SP100: variants seen among roughly 807,000 people sequenced by gnomAD.
The protein encoded by SP100 is SP100 nuclear body protein, also known as nuclear autoantigen Sp-100.
In SP100, 84 loss-of-function variants were observed where a neutral mutation model predicts 130.0. The observed-to-expected ratio is 0.65, with a 90% confidence interval of 0.54 to 0.77. The LOEUF is 0.77. SP100 is among the 30% of genes least tolerant of loss of function. The pLI, the probability that SP100 is intolerant of heterozygous loss-of-function variation, is 0.00. For synonymous variants in SP100, 331 were observed against 351.7 expected (o/e 0.94, Z 0.66); for missense variants, 978 against 1,052.2 (o/e 0.93, Z 0.97).
intron 17 of SP100, among the ~76,000 whole-genome samples, chr2:230,479,994 G>A (rs1463954701): frequency 6.6e-6 from 1 of 152,190 alleles, no homozygotes; most frequent in Non-Finnish European, 1.5e-5. Context: ...TGACTTATGA[G>A]AAGTTCTTCC....
At position 230,522,476 on chromosome 2, in the gene SP100, C is replaced by CTTTTTTTTTTTT. The variant is rs750389091; in HGVS notation, c.2094+11321_2094+11332dup. Among the ~76,000 whole-genome samples, 18 of 82,126 alleles carry CTTTTTTTTTTTT rather than the reference C, an allele frequency of 2.2e-4. 3 individuals carry two copies. The highest frequency in any genetic ancestry group is 7.4e-4 in the East Asian group (2 of 2,686). The allele number at this position is 82,126 out of a possible 152,430, so 53.9% of individuals were successfully genotyped here. Reference sequence around the variant, plus strand: ...TTTAGTGCTCTTTGGCCCCAGTGTTCTTTTTTTTTTTTTTTTTTTTTTGAG... The same window carrying CTTTTTTTTTTTT: ...TTTAGTGCTCTTTGGCCCCAGTGTTCTTTTTTTTTTTTTTTTTTTTTTTTTTTTTTTTTTGAG... On this transcript the variant is annotated intron_variant, in intron 24 of 28. Transcript: ENST00000340126.
chr2:230,526,496 C>T (rs60106579), intron 24 of SP100, among the ~76,000 whole-genome samples: 28,389 of 151,984 alleles, frequency 0.19, 3,211 homozygotes, highest in African/African-American at 0.32. Context: ...AAAAACAGAG[C>T]GCCTCTTCTC....
chr2:230,471,340 T>C (rs181223916), intron 15 of SP100, among the ~76,000 whole-genome samples: 1 of 152,298 alleles, frequency 6.6e-6, no homozygotes, highest in African/African-American at 2.4e-5. Flanking sequence ...TATTTTTTTG[T>C]CAGTCCGTTT....
At chr2:230,440,936 A>C (rs1210771060) in intron 2 of SP100, among the ~76,000 whole-genome samples, 1 of 152,072 alleles carries the variant, frequency 6.6e-6, no homozygotes, top group Non-Finnish European at 1.5e-5. Context: ...TAGATAGTAC[A>C]CTAAAGTCAT....
chr2:230,511,300 A>C (rs1690569590), intron 24 of SP100, 134 bp downstream of exon 24: 1 of 718,546 alleles, frequency 1.4e-6, no homozygotes, highest in Non-Finnish European at 2.5e-6. Flanking sequence ...TAGAAGATGC[A>C]AGCCAGGTAC....
rs375925170 is a variant in SP100 at position 230,436,753 on chromosome 2, T to C, written c.108-6184T>C. 2.0e-5 allele frequency among the ~76,000 whole-genome samples: 3 copies of C among 152,210 alleles called. No homozygotes were observed. In the South Asian group the frequency reaches 6.2e-4, roughly 31 times the overall value. ...TTATTAGGTCTATAGGTTTCCTACATATATAATTATAGAACATATTGTACA... is the reference window on the plus strand; with the variant it reads ...TTATTAGGTCTATAGGTTTCCTACACATATAATTATAGAACATATTGTACA... On this transcript the variant is annotated intron_variant, in intron 2 of 28. Transcript: ENST00000340126.
At chr2:230,472,958 G>A (rs372139964) in intron 15 of SP100, among the ~76,000 whole-genome samples, 1 of 152,120 alleles carries the variant, frequency 6.6e-6, no homozygotes, top group South Asian at 2.1e-4. Context: ...GTGTCAGAAG[G>A]CTCCTGTTGG....
In SP100 at chr2:230,543,093, T is replaced by C. The variant is rs1258366436; in HGVS notation, c.*147T>C. The C allele has an allele frequency of 1.9e-6, 1 of 532,570 alleles. No individual in the cohort carries two copies. The highest frequency in any genetic ancestry group is 2.0e-5 in the African/African-American group (1 of 51,198). The allele number at this position is 532,570 out of a possible 1,614,324, so 33.0% of individuals were successfully genotyped here. A position where few individuals can be genotyped will look rare whatever the true frequency, so the allele number is the denominator to read the frequency against. On this transcript the variant is annotated 3_prime_UTR_variant, in exon 29 of 29. Coordinates refer to ENST00000340126, the MANE Select transcript of SP100 (RefSeq NM_001080391.2). Reference sequence around the variant, plus strand: ...GCCATTTTAAAACCGTCTTTTCAGCTTTCAATAAAATTCAACACCCCTTCA... The same window carrying C: ...GCCATTTTAAAACCGTCTTTTCAGCCTTCAATAAAATTCAACACCCCTTCA...
intron 16 of SP100, 56 bp downstream of exon 16, chr2:230,473,496 T>G (rs1678169): frequency 0.29 from 291,434 of 1,014,182 alleles, 46,538 homozygotes; most frequent in Middle Eastern, 0.36. Context: ...TCACAGACAC[T>G]GGGTAGGGAT....
intron 2 of SP100, among the ~76,000 whole-genome samples, chr2:230,424,864 T>C (rs892896799): frequency 1.3e-5 from 2 of 152,160 alleles, no homozygotes; most frequent in Non-Finnish European, 2.9e-5. Context: ...ATGTAGCCCC[T>C]ATTTGAAAAC....
At chr2:230,449,427 G>C (rs1330908438) in intron 6 of SP100, 134 bp from the exon 7 acceptor site, 1 of 981,030 alleles carries the variant, frequency 1.0e-6, no homozygotes, top group South Asian at 1.3e-5. Flanking sequence ...TTTTCTGCCT[G>C]CATCTGCTTG....
At chr2:230,520,720 G>A (rs1445076097) in intron 24 of SP100, 2 of 152,216 alleles carry the variant, frequency 1.3e-5, no homozygotes, top group African/African-American at 4.8e-5. Flanking sequence ...AAAGCCAAAT[G>A]TGAGGATCAA....
intron 2 of SP100, among the ~76,000 whole-genome samples, chr2:230,431,215 T>A (rs1184534926): frequency 6.6e-6 from 1 of 152,192 alleles, no homozygotes; most frequent in African/African-American, 2.4e-5. Context: ...TCATTTCTAA[T>A]CAAACCCAGG....
At position 230,417,551 on chromosome 2, in the gene SP100, G is replaced by T. The variant is rs75077493; in HGVS notation, c.33-40G>T. The T allele has an allele frequency of 4.4e-6, 7 of 1,599,624 alleles. No individual in the cohort carries two copies. In the South Asian group the frequency reaches 8.0e-5, roughly 18 times the overall value. ...AAAAATGTAATTATTGAGGCAAAGG[G>T]TCCAGTTATTTACTTGGTCCTGCCA... On this transcript the variant is annotated intron_variant, in intron 1 of 28. Transcript: ENST00000340126.
intron 17 of SP100, among the ~76,000 whole-genome samples, chr2:230,477,127 A>G (rs974926203): frequency 6.6e-6 from 1 of 152,050 alleles, no homozygotes; most frequent in Non-Finnish European, 1.5e-5. Context: ...GGCCTCCCAA[A>G]GTGCTGGGAT....
chr2:230,439,545 G>T (rs1373199133), intron 2 of SP100, among the ~76,000 whole-genome samples: 1 of 147,106 alleles, frequency 6.8e-6, no homozygotes, highest in African/African-American at 2.6e-5. Flanking sequence ...AAGGTTTTTT[G>T]GATTTTTGTT....
In SP100 at chr2:230,527,434, A is replaced by G. The variant is rs543546619; in HGVS notation, c.2095-11833A>G. 1.3e-3 allele frequency among the ~76,000 whole-genome samples: 193 copies of G among 152,352 alleles called. 1 individual carries two copies. Among genetic ancestry groups the G allele is most frequent in the Non-Finnish European group, 2.2e-3 (151 of 68,026 alleles). ...AGAGCTCCTGAAGGAAGCATTAAAC[A>G]TGGAAAGGAACAACCAGTACCAGCC... On this transcript the variant is annotated intron_variant, in intron 24 of 28. Coordinates refer to ENST00000340126, the MANE Select transcript of SP100 (RefSeq NM_001080391.2).
intron 2 of SP100, among the ~76,000 whole-genome samples, chr2:230,442,018 T>C (rs879892820): frequency 6.6e-6 from 1 of 150,406 alleles, no homozygotes; most frequent in African/African-American, 2.5e-5. Flanking sequence ...TTTGTTATCA[T>C]TTTAGTGATC....
intron 15 of SP100, 68 bp from the exon 16 acceptor site, chr2:230,473,256 G>A (rs2065364249): frequency 1.9e-6 from 2 of 1,073,692 alleles, no homozygotes; most frequent in East Asian, 2.4e-5. Context: ...AGTCACTAAT[G>A]TTGGGGGGAA....
Sources: gnomAD v4.1 joint callset for allele counts (sites outside exome capture counted in the v4.1 genomes callset) on GRCh38, gnomAD v4.1.1 for gene constraint, MANE v1.5 for transcripts, NCBI Gene and HGNC (gene_info 2026-07-23, HGNC 2026-07-21) for gene names.